MTUS2: variants seen among roughly 807,000 people sequenced by gnomAD.
MTUS2 encodes the protein microtubule associated scaffold protein 2, also known as microtubule-associated tumor suppressor candidate 2.
A neutral mutation model predicts 114.1 loss-of-function variants in MTUS2; 40 were observed. That is an observed-to-expected ratio of 0.35 (90% CI 0.27 to 0.46). The LOEUF (loss-of-function observed/expected upper bound fraction) is 0.46, where lower values mean the gene tolerates loss of function less well. Among genes scored for constraint, MTUS2 ranks in the 20% least tolerant of loss-of-function variants. The pLI, the probability that MTUS2 is intolerant of heterozygous loss-of-function variation, is 1.00. For missense variants in MTUS2, 1,679 were observed against 1,705.4 expected, an observed-to-expected ratio of 0.98 and a Z score of 0.27; for synonymous variants, 688 against 672.0, an observed-to-expected ratio of 1.02 and a Z score of -0.37.
chr13:28,861,983 A>C (rs185698241), intron 2 of MTUS2, among the ~76,000 whole-genome samples: 76 of 152,288 alleles, frequency 5.0e-4, no homozygotes, highest in Admixed American at 1.6e-3. Context: ...TGGGAAAGAA[A>C]ACCCTTTTTA....
intron 2 of MTUS2, among the ~76,000 whole-genome samples, chr13:28,987,870 C>A (rs1884660224): frequency 6.6e-6 from 1 of 151,880 alleles, no homozygotes; most frequent in African/African-American, 2.4e-5. Context: ...TGTTTTTTAC[C>A]AAAAAACAAA....
chr13:29,050,740 A>C (rs1887855687), intron 4 of MTUS2, among the ~76,000 whole-genome samples: 1 of 152,224 alleles, frequency 6.6e-6, no homozygotes, highest in Non-Finnish European at 1.5e-5. Context: ...AAGCTTTGAG[A>C]ATATGCCATG....
At chr13:28,878,221 G>A (rs9508180) in intron 2 of MTUS2, among the ~76,000 whole-genome samples, 13,285 of 93,744 alleles carry the variant, frequency 0.14, 1,860 homozygotes, top group African/African-American at 0.36. Context: ...ATATATATAT[G>A]TGTGTGTGTG....
intron 2 of MTUS2, among the ~76,000 whole-genome samples, chr13:29,023,311 G>A (rs768240358): frequency 3.4e-4 from 51 of 152,192 alleles, no homozygotes; most frequent in Non-Finnish European, 5.4e-4. Context: ...TGCAGGCCTC[G>A]AAGGCCAGAG....
chr13:28,953,143 G>A (rs780877465), intron 2 of MTUS2, among the ~76,000 whole-genome samples: 13 of 151,204 alleles, frequency 8.6e-5, no homozygotes, highest in Middle Eastern at 3.2e-3. Flanking sequence ...TTTTGTTCTT[G>A]ACTTTGCTGG....
intron 5 of MTUS2, among the ~76,000 whole-genome samples, chr13:29,116,815 C>G (rs909520869): frequency 5.9e-5 from 9 of 152,074 alleles, no homozygotes; most frequent in Non-Finnish European, 1.3e-4. Flanking sequence ...CTGGATGGGA[C>G]TGAACAATGA....
intron 10 of MTUS2, among the ~76,000 whole-genome samples, chr13:29,484,576 G>C (rs1566229986): frequency 6.6e-6 from 1 of 152,232 alleles, no homozygotes; most frequent in Non-Finnish European, 1.5e-5. Context: ...CCGGTGTCCA[G>C]GATACTGTAA....
chr13:28,935,210 C>T (rs1341033733), intron 2 of MTUS2, among the ~76,000 whole-genome samples: 1 of 151,936 alleles, frequency 6.6e-6, no homozygotes, highest in Non-Finnish European at 1.5e-5. Flanking sequence ...TGTTTAGGGA[C>T]ATTCGGGTTG....
In MTUS2 at chr13:29,317,645, A is replaced by G. The variant is rs1900058013; in HGVS notation, c.2807-6968A>G. Among the ~76,000 whole-genome samples, 2 of 12,122 alleles carry G rather than the reference A, an allele frequency of 1.6e-4. 1 individual carries two copies. The highest frequency in any genetic ancestry group is 3.2e-4 in the African/African-American group (2 of 6,204). 8.0% of individuals were successfully genotyped at this position (12,122 alleles called of 152,430 possible). A position where few individuals can be genotyped will look rare whatever the true frequency, so the allele number is the denominator to read the frequency against. On this transcript the variant is annotated intron_variant, in intron 6 of 15. Transcript: ENST00000612955. The stretch of plus-strand genomic sequence containing the variant: ...AGTAGAGACGGGGTTTCACCTTGTT[A>G]GCCAGGATGGTCTCCATCTCCTGAC...
At chr13:29,083,255 G>T (rs1889525696) in intron 4 of MTUS2, among the ~76,000 whole-genome samples, 1 of 152,186 alleles carries the variant, frequency 6.6e-6, no homozygotes. Flanking sequence ...GTTTTTATTT[G>T]TATGTCCTGA....
intron 8 of MTUS2, among the ~76,000 whole-genome samples, chr13:29,361,279 G>A (rs1870228061): frequency 6.6e-6 from 1 of 152,104 alleles, no homozygotes; most frequent in Admixed American, 6.5e-5. Context: ...TCAGCAAGAT[G>A]GATGGTGGAC....
At chr13:29,250,352 C>G (rs1897079880) in intron 5 of MTUS2, 1 of 152,030 alleles carries the variant, frequency 6.6e-6, no homozygotes, top group Non-Finnish European at 1.5e-5. Flanking sequence ...AGCATGCCAT[C>G]TTAATGGCCT....
chr13:29,115,856 G>A (rs1891065961), intron 5 of MTUS2, among the ~76,000 whole-genome samples: 1 of 152,174 alleles, frequency 6.6e-6, no homozygotes, highest in Non-Finnish European at 1.5e-5. Context: ...GATATTCAGT[G>A]TTCCCTCCAA....
chr13:29,026,916 C>A lies in MTUS2; in HGVS notation c.2205+13C>A. 2 of 1,572,084 alleles carry A rather than the reference C, an allele frequency of 1.3e-6. No homozygotes were observed. The highest frequency in any genetic ancestry group is 2.4e-5 in the South Asian group (2 of 85,046). ...GTTTTTGCAGGAGGTAAGAGAATGT[C>A]ATTATGATATGGTCTATAAGTTGAC... On this transcript the variant is annotated intron_variant, in intron 3 of 15. Coordinates refer to ENST00000612955, the MANE Select transcript of MTUS2 (RefSeq NM_001033602.4).
intron 9 of MTUS2, among the ~76,000 whole-genome samples, chr13:29,454,330 G>A (rs1292773637): frequency 1.3e-5 from 2 of 152,216 alleles, no homozygotes; most frequent in Admixed American, 6.5e-5. Flanking sequence ...CATCTGGAGA[G>A]ACCAGGCTGG....
At chr13:29,049,054 G>A (rs941975817) in intron 4 of MTUS2, among the ~76,000 whole-genome samples, 3 of 152,188 alleles carry the variant, frequency 2.0e-5, no homozygotes, top group South Asian at 4.1e-4. Flanking sequence ...TGTCTGACCC[G>A]TTAAGAAAAA....
At chr13:28,878,356 G>A in intron 2 of MTUS2, among the ~76,000 whole-genome samples, 1 of 152,000 alleles carries the variant, frequency 6.6e-6, no homozygotes. Context: ...AAGTCCTGGG[G>A]TACATGTGCA....
At chr13:29,207,374 G>C (rs527483600) in intron 5 of MTUS2, among the ~76,000 whole-genome samples, 2 of 152,112 alleles carry the variant, frequency 1.3e-5, no homozygotes, top group Non-Finnish European at 2.9e-5. Flanking sequence ...GGTGAACAGC[G>C]ACAGTTTCAC....
At chr13:29,387,916 A>G (rs557067461) in intron 8 of MTUS2, among the ~76,000 whole-genome samples, 1 of 152,292 alleles carries the variant, frequency 6.6e-6, no homozygotes, top group East Asian at 1.9e-4. Context: ...GGAAGACTAG[A>G]CACTCTGTTA....
Sources: allele counts gnomAD v4.1 joint callset (sites outside exome capture counted in the v4.1 genomes callset), GRCh38; gene constraint gnomAD v4.1.1; transcripts MANE v1.5; gene names NCBI Gene and HGNC (gene_info 2026-07-23, HGNC 2026-07-21).